Variants in ATAD2B observed in about 807,000 individuals in gnomAD.
The protein encoded by ATAD2B is ATPase family AAA domain-containing protein 2B.
Under a neutral mutation model 167.6 loss-of-function variants are expected in ATAD2B, and 40 were observed. The observed-to-expected ratio is 0.24, with a 90% CI of 0.19 to 0.31. The LOEUF (loss-of-function observed/expected upper bound fraction) is 0.31, where lower values mean the gene tolerates loss of function less well. Ranked by LOEUF, ATAD2B falls within the 10% of genes least tolerant of loss-of-function variation. The pLI, the probability that ATAD2B is intolerant of heterozygous loss-of-function variation, is 1.00. For missense variants in ATAD2B, 1,242 were observed against 1,757.2 expected (o/e 0.71, Z 5.24); for synonymous variants, 579 against 596.5 (o/e 0.97, Z 0.43).
At chr2:23,920,942 T>C (rs952964014) in intron 1 of ATAD2B, among the ~76,000 whole-genome samples, 3 of 152,100 alleles carry the variant, frequency 2.0e-5, no homozygotes, top group African/African-American at 7.2e-5. Flanking sequence ...TGGTGGCTCA[T>C]GCCTGTAACC....
At chr2:23,790,291 C>A (rs1681471402) in intron 19 of ATAD2B, among the ~76,000 whole-genome samples, 1 of 151,990 alleles carries the variant, frequency 6.6e-6, no homozygotes, top group Non-Finnish European at 1.5e-5. Context: ...ACAGAGGTAG[C>A]AAAACAGAGC....
chr2:23,926,428 C>T, intron 1 of ATAD2B, 127 bp downstream of exon 1: 1 of 1,419,484 alleles, frequency 7.0e-7, no homozygotes, highest in Non-Finnish European at 9.2e-7. Context: ...ACCGCGCCCG[C>T]AGACCCTGTC....
intron 13 of ATAD2B, among the ~76,000 whole-genome samples, chr2:23,848,892 T>A (rs1436856242): frequency 1.3e-5 from 2 of 152,180 alleles, no homozygotes; most frequent in African/African-American, 4.8e-5. Flanking sequence ...CAAGTATATA[T>A]GTATGTTAAA....
chr2:23,699,415 T>C, the ATAD2B span, among the ~76,000 whole-genome samples: 1 of 152,156 alleles, frequency 6.6e-6, no homozygotes, highest in Non-Finnish European at 1.5e-5. Context: ...GGCCTAAGTA[T>C]GGAGGCAACT....
At position 23,866,643 on chromosome 2, in the gene ATAD2B, G is replaced by A. The variant is rs559831063; in HGVS notation, c.1188+1192C>T. Among the ~76,000 whole-genome samples, 281 of 152,156 alleles carry A rather than the reference G, an allele frequency of 1.8e-3. 1 individual carries two copies. Among genetic ancestry groups the A allele is most frequent in the Non-Finnish European group, 3.1e-3 (213 of 67,996 alleles). On this transcript the variant is annotated intron_variant, in intron 10 of 27. Transcript: ENST00000238789. Reference sequence around the variant, plus strand: ...TGAGAAGGTGCACTATTAGAAATGGGATTCTGCTCATATGCAATACTCTAA... The same window carrying A: ...TGAGAAGGTGCACTATTAGAAATGGAATTCTGCTCATATGCAATACTCTAA...
At chr2:23,840,880 G>C (rs1202760553) in intron 13 of ATAD2B, among the ~76,000 whole-genome samples, 2 of 152,046 alleles carry the variant, frequency 1.3e-5, no homozygotes, top group Non-Finnish European at 2.9e-5. Flanking sequence ...TACATAGTTT[G>C]AACTATGGTT....
At chr2:23,710,415 G>A in the ATAD2B span, among the ~76,000 whole-genome samples, 4 of 152,160 alleles carry the variant, frequency 2.6e-5, no homozygotes, top group Admixed American at 2.6e-4. Flanking sequence ...TAAGAAAAAT[G>A]GTGGGGAGAG....
In ATAD2B at chr2:23,926,711, C is replaced by A. The variant is rs2150759710; in HGVS notation, c.60G>T (p.Gly20=). 1 of 1,550,100 alleles carries A rather than the reference C, an allele frequency of 6.5e-7. No individual in the cohort carries two copies. Among genetic ancestry groups the A allele is most frequent in the African/African-American group, 1.4e-5 (1 of 73,042 alleles). Reference sequence around the variant, plus strand: ...GCTCTGCTCCGGCCCCAGGCCCAGGCCCGGGACCAGGAGACTTGGACCCGA... The same window carrying A: ...GCTCTGCTCCGGCCCCAGGCCCAGGACCGGGACCAGGAGACTTGGACCCGA... ...RLLGSKSPGP[G]PGPGAGAEPG... is the part of the protein sequence containing the mutation. The change falls in exon 1 of 28, where the codon GGG becomes GGT. Residue 20 remains glycine, a synonymous_variant. Coordinates refer to ENST00000238789, the MANE Select transcript of ATAD2B (RefSeq NM_017552.4).
Position 23,765,617 on chromosome 2 carries a change from T to C in ATAD2B, c.3145A>G (p.Arg1049Gly). 7.0e-7 allele frequency: 1 copy of C among 1,423,768 alleles called. No individual in the cohort carries two copies. The highest frequency in any genetic ancestry group is 9.3e-7 in the Non-Finnish European group (1 of 1,077,682). The allele number at this position is 1,423,768 out of a possible 1,614,324, so 88.2% of individuals were successfully genotyped here. ...TCCTTCAGGGTACAAGCCCTGTGCCTAATTATTTTATCTGTTAAAAAAGTT... is the reference window on the plus strand; with the variant it reads ...TCCTTCAGGGTACAAGCCCTGTGCCCAATTATTTTATCTGTTAAAAAAGTT... Reference protein sequence around the residue: ...PDKDPGDKIIRHRACTLKDTA... With the variant: ...PDKDPGDKIIGHRACTLKDTA... Residue 1049 changes from arginine to glycine, a missense_variant, in exon 23 of 28, where the codon AGG becomes GGG. Physicochemically the swap from Arg to Gly is moderately radical, Grantham distance 125. Transcript: ENST00000238789.
At chr2:23,695,607 C>CT in the ATAD2B span, 33 of 1,538,140 alleles carry the variant, frequency 2.1e-5, no homozygotes, top group Non-Finnish European at 2.6e-5. This position sits in a 1 kb window ranked among gnomAD's most constrained non-coding sequence, Gnocchi z 7.6. Context: ...AAGATTCTGT[C>CT]TCCTGTACCC....
intron 12 of ATAD2B, 121 bp downstream of exon 12, chr2:23,863,260 G>C: frequency 2.1e-6 from 2 of 933,168 alleles, no homozygotes. Context: ...AGTGAGACGA[G>C]ATCACGCTAT....
intron 3 of ATAD2B, 147 bp from the exon 4 acceptor site, chr2:23,888,132 C>A: frequency 1.3e-6 from 1 of 751,904 alleles, no homozygotes; most frequent in Non-Finnish European, 2.0e-6. Context: ...TCTAAAATTT[C>A]TATAAATTTT....
chr2:23,871,945 T>C (rs1696045264), intron 8 of ATAD2B, among the ~76,000 whole-genome samples: 1 of 152,116 alleles, frequency 6.6e-6, no homozygotes, highest in Admixed American at 6.6e-5. Context: ...TGGCGCAATC[T>C]CGACTCACTG....
At chr2:23,770,482 C>G (rs1458984802) in intron 22 of ATAD2B, among the ~76,000 whole-genome samples, 1 of 152,130 alleles carries the variant, frequency 6.6e-6, no homozygotes, top group African/African-American at 2.4e-5. Flanking sequence ...AATATTCTGG[C>G]TATAGGTTTT....
intron 17 of ATAD2B, among the ~76,000 whole-genome samples, chr2:23,818,890 G>C (rs776540351): frequency 1.7e-4 from 26 of 152,262 alleles, no homozygotes; most frequent in South Asian, 1.2e-3. Context: ...CTTTAACACA[G>C]ATAATAAAAG....
intron 9 of ATAD2B, among the ~76,000 whole-genome samples, chr2:23,869,415 G>C (rs1265202508): frequency 1.3e-5 from 2 of 152,006 alleles, no homozygotes; most frequent in Non-Finnish European, 2.9e-5. Flanking sequence ...CATATAGGTT[G>C]GCCTGTTTCC....
At chr2:23,696,358 G>A in the ATAD2B span, 3 of 1,551,628 alleles carry the variant, frequency 1.9e-6, no homozygotes, top group Non-Finnish European at 2.6e-6. This position sits in a 1 kb window ranked among gnomAD's most constrained non-coding sequence, Gnocchi z 5.5. Flanking sequence ...GGGTGACGCT[G>A]GCTGATGTCT....
intron 20 of ATAD2B, among the ~76,000 whole-genome samples, chr2:23,786,863 T>C (rs550648964): frequency 6.6e-6 from 1 of 152,204 alleles, no homozygotes; most frequent in Admixed American, 6.5e-5. Context: ...TTTTCTTAAG[T>C]CAACCTTGTT....
Position 23,754,771 on chromosome 2 carries a change from G to A in ATAD2B, c.4082C>T (p.Ala1361Val). The change falls in exon 26 of 28, where the codon GCT (alanine) becomes GTT (valine). Residue 1361 changes from alanine to valine, a missense_variant. Coordinates refer to ENST00000238789, the MANE Select transcript of ATAD2B (RefSeq NM_017552.4). Reference protein sequence around the residue: ...VKDAELDKEGASKVKKYRKLI... With the variant: ...VKDAELDKEGVSKVKKYRKLI... ...TTTACGGTATTTCTTTACTTTAGAA[G>A]CACCTATAATTGAGACAAAAAAATA... 6.2e-7 allele frequency: 1 copy of A among 1,611,582 alleles called. No homozygotes were observed. The highest frequency in any genetic ancestry group is 8.5e-7 in the Non-Finnish European group (1 of 1,178,590).
Sources: allele counts gnomAD v4.1 joint callset (sites outside exome capture counted in the v4.1 genomes callset), GRCh38; gene constraint gnomAD v4.1.1; non-coding constraint Gnocchi (gnomAD v3.1); transcripts MANE v1.5; gene names NCBI Gene and HGNC (gene_info 2026-07-23, HGNC 2026-07-21).